TBXAS1: variants seen among roughly 807,000 people sequenced by gnomAD.
TBXAS1 encodes thromboxane A synthase 1.
TBXAS1 carries 48 observed loss-of-function variants against 60.7 expected under a neutral mutation model. The observed-to-expected ratio is 0.79, with a 90% CI of 0.63 to 1.01. The LOEUF is 1.01. TBXAS1 is among the 50% of genes least tolerant of loss of function. The pLI is 0.00. For missense variants in TBXAS1, 685 were observed against 686.3 expected (o/e 1.00, Z 0.02); for synonymous variants, 287 against 269.7 (o/e 1.06, Z -0.63).
intron 1 of TBXAS1, among the ~76,000 whole-genome samples, chr7:139,847,241 G>A (rs919917148): frequency 6.6e-6 from 1 of 152,110 alleles, no homozygotes; most frequent in African/African-American, 2.4e-5. Flanking sequence ...GATTTTAACA[G>A]TAAGAGTACC....
intron 9 of TBXAS1, among the ~76,000 whole-genome samples, chr7:140,001,115 G>A (rs1813641684): frequency 6.6e-6 from 1 of 152,204 alleles, no homozygotes; most frequent in African/African-American, 2.4e-5. Context: ...TCAAGGGGAG[G>A]CGCTGCAGGG....
chr7:139,843,153 G>C (rs922284108), intron 1 of TBXAS1, among the ~76,000 whole-genome samples: 1 of 152,084 alleles, frequency 6.6e-6, no homozygotes, highest in Admixed American at 6.6e-5. Flanking sequence ...CCTGTTGCCT[G>C]AATGCTCTCC....
At chr7:140,019,901 C>A in intron 12 of TBXAS1, 124 bp from the exon 13 acceptor site, 1 of 889,818 alleles carries the variant, frequency 1.1e-6, no homozygotes, top group Non-Finnish European at 1.8e-6. Flanking sequence ...TGGGGCTTTG[C>A]TCTCTGCTTT....
chr7:139,880,327 G>C (rs78711467), intron 3 of TBXAS1, among the ~76,000 whole-genome samples: 7,417 of 152,172 alleles, frequency 0.049, 457 homozygotes, highest in African/African-American at 0.15. Context: ...GCATCCATCA[G>C]CTATGCCGCT....
chr7:139,862,562 G>C (rs532373179), intron 1 of TBXAS1, among the ~76,000 whole-genome samples: 37 of 152,284 alleles, frequency 2.4e-4, no homozygotes, highest in African/African-American at 8.7e-4. Flanking sequence ...AACTTACTGG[G>C]AAGGAATGAA....
chr7:139,925,158 C>T (rs1806786279), intron 4 of TBXAS1, among the ~76,000 whole-genome samples: 1 of 152,098 alleles, frequency 6.6e-6, no homozygotes, highest in African/African-American at 2.4e-5. Context: ...TGTTTCCATA[C>T]ATATTTTAGG....
At chr7:139,927,395 A>G (rs1806976182) in intron 4 of TBXAS1, among the ~76,000 whole-genome samples, 1 of 152,228 alleles carries the variant, frequency 6.6e-6, no homozygotes, top group Non-Finnish European at 1.5e-5. Flanking sequence ...TTGCATAAAC[A>G]AACAAAAATA....
In TBXAS1 at chr7:140,009,651, T is replaced by C. The variant is rs1323013310; in HGVS notation, c.1226+2469T>C. Among the ~76,000 whole-genome samples, 3 of 57,382 alleles carry C rather than the reference T, an allele frequency of 5.2e-5. No individual in the cohort carries two copies. In the South Asian group the frequency reaches 2.6e-3, roughly 50 times the overall value. The allele number at this position is 57,382 out of a possible 152,430, so 37.6% of individuals were successfully genotyped here. ...ACCTGCCCCACACCCACCCCACACC[T>C]GCCCCACACCCGCTCCACACCTGCC... is the stretch of plus-strand genomic sequence containing the variant. On this transcript the variant is annotated intron_variant, in intron 10 of 12. Transcript: ENST00000448866.
chr7:139,998,058 AAC>A (rs1187836880), intron 9 of TBXAS1, among the ~76,000 whole-genome samples: 4 of 152,342 alleles, frequency 2.6e-5, no homozygotes, highest in Admixed American at 2.0e-4. Flanking sequence ...AACACACCAC[AAC>A]ACACAACATG....
At chr7:139,828,824 A>T (rs902985255), upstream of TBXAS1, among the ~76,000 whole-genome samples, 4 of 152,168 alleles carry the variant, frequency 2.6e-5, no homozygotes, top group African/African-American at 9.7e-5. Flanking sequence ...CAACTAATGG[A>T]CTTGGTGGGA....
At chr7:139,875,028 G>A (rs926520174) in intron 2 of TBXAS1, among the ~76,000 whole-genome samples, 3 of 152,190 alleles carry the variant, frequency 2.0e-5, no homozygotes, top group East Asian at 3.8e-4. Context: ...CCGGGAGGTG[G>A]AGGTTGCAAC....
chr7:139,966,401 T>C (rs539699448), intron 9 of TBXAS1, among the ~76,000 whole-genome samples: 1 of 152,162 alleles, frequency 6.6e-6, no homozygotes, highest in African/African-American at 2.4e-5. Flanking sequence ...CCCCTATAAC[T>C]GAAAACTCCA....
chr7:139,846,260 A>G (rs1019152771), intron 1 of TBXAS1, among the ~76,000 whole-genome samples: 2 of 152,164 alleles, frequency 1.3e-5, no homozygotes, highest in Non-Finnish European at 2.9e-5. Context: ...CACTAAAAAC[A>G]CTTCACTCTT....
At chr7:139,970,897 C>T (rs545527904) in intron 9 of TBXAS1, among the ~76,000 whole-genome samples, 1 of 152,130 alleles carries the variant, frequency 6.6e-6, no homozygotes, top group Non-Finnish European at 1.5e-5. Flanking sequence ...CAGGCCAATC[C>T]TTTTAAGCAG....
At chr7:139,953,026 T>C (rs1809537888) in intron 5 of TBXAS1, among the ~76,000 whole-genome samples, 1 of 152,262 alleles carries the variant, frequency 6.6e-6, no homozygotes, top group South Asian at 2.1e-4. Flanking sequence ...TACTTGCTAA[T>C]GCTAACCAAA....
intron 5 of TBXAS1, among the ~76,000 whole-genome samples, chr7:139,951,796 AAAGAAAAAGAAACAAAG>A (rs1809308971): frequency 1.2e-4 from 1 of 8,344 alleles, no homozygotes; most frequent in South Asian, 2.6e-3. Context: ...AGAAAGAAAG[AAAGAAAAAGAAACAAAG>A]AAGAAGGAAA....
At chr7:139,846,392 T>C (rs1387895299) in intron 1 of TBXAS1, among the ~76,000 whole-genome samples, 1 of 152,220 alleles carries the variant, frequency 6.6e-6, no homozygotes, top group Non-Finnish European at 1.5e-5. Flanking sequence ...CGTGTCTCAG[T>C]TTCCCCATGT....
At chr7:139,824,780 C>G (rs1030492622), upstream of TBXAS1, among the ~76,000 whole-genome samples, 1 of 151,216 alleles carries the variant, frequency 6.6e-6, no homozygotes, top group African/African-American at 2.4e-5. Flanking sequence ...ATTTTCTGTA[C>G]AGTTGTGTAG....
intron 4 of TBXAS1, among the ~76,000 whole-genome samples, chr7:139,930,057 C>T (rs973182631): frequency 6.6e-6 from 1 of 152,196 alleles, no homozygotes; most frequent in African/African-American, 2.4e-5. Context: ...GGCCTGCCTC[C>T]ATCCCTCCCC....
Sources: allele counts gnomAD v4.1 joint callset (sites outside exome capture counted in the v4.1 genomes callset), GRCh38; gene constraint gnomAD v4.1.1; transcripts MANE v1.5; gene names NCBI Gene and HGNC (gene_info 2026-07-23, HGNC 2026-07-21).